ASMT: variants seen among roughly 807,000 people sequenced by gnomAD.
ASMT encodes acetylserotonin O-methyltransferase, also known as acetylserotonin N-methyltransferase.
In ASMT, 53 loss-of-function variants were observed where a neutral mutation model predicts 41.3. The observed-to-expected ratio is 1.28, with a 90% CI of 1.03 to 1.61. The LOEUF is 1.61. Ranked by LOEUF, ASMT falls within the 40% of genes most tolerant of loss-of-function variation. ASMT has a pLI of 0.00. For synonymous variants in ASMT, 231 were observed against 184.8 expected (o/e 1.25, Z -2.03); for missense variants, 531 against 441.3 (o/e 1.20, Z -1.82).
At chrX:1,627,654 GAAATGAAATGAAAT>G in intron 3 of ASMT, 35 bp from the exon 4 acceptor site, 1 of 1,378,450 alleles carries the variant, frequency 7.3e-7, no homozygotes, top group Non-Finnish European at 1.0e-6. Context: ...GAAATGAAAT[GAAATGAAATGAAAT>G]GAAATGAAAA....
At chrX:1,635,010 T>C in intron 7 of ASMT, among the ~76,000 whole-genome samples, 1 of 127,930 alleles carries the variant, frequency 7.8e-6, no homozygotes, top group Non-Finnish European at 1.6e-5. Flanking sequence ...AGTCTCGCTC[T>C]GTCACCCAGG....
intron 1 of ASMT, among the ~76,000 whole-genome samples, chrX:1,618,063 C>T (rs777963720): frequency 6.6e-6 from 1 of 152,328 alleles, no homozygotes; most frequent in South Asian, 2.1e-4. Flanking sequence ...AGAGCGGCCT[C>T]CGCCTACGGG....
At chrX:1,636,705 C>A (rs1934979649) in intron 8 of ASMT, 145 bp downstream of exon 8, 1 of 1,257,838 alleles carries the variant, frequency 8.0e-7, no homozygotes, top group South Asian at 1.2e-5. Flanking sequence ...AGATAACGAC[C>A]TGAAATAAAT....
At chrX:1,629,181 G>C (rs1405851189) in intron 4 of ASMT, among the ~76,000 whole-genome samples, 1 of 151,946 alleles carries the variant, frequency 6.6e-6, no homozygotes, top group Non-Finnish European at 1.5e-5. Flanking sequence ...CTTACATGTT[G>C]CACCTTGCAG....
intron 1 of ASMT, among the ~76,000 whole-genome samples, chrX:1,621,037 C>T (rs4308913): frequency 2.0e-5 from 3 of 151,704 alleles, no homozygotes; most frequent in East Asian, 1.9e-4. Flanking sequence ...CGTAGGTTGC[C>T]GTGAGCCGAG....
At chrX:1,631,184 G>C (rs1456348895) in intron 5 of ASMT, among the ~76,000 whole-genome samples, 6 of 151,606 alleles carry the variant, frequency 4.0e-5, no homozygotes, top group Non-Finnish European at 7.4e-5. Flanking sequence ...AAAGTGCCAG[G>C]ATTGCAGGCA....
At chrX:1,623,683 C>T (rs1264182651) in intron 2 of ASMT, among the ~76,000 whole-genome samples, 1 of 152,108 alleles carries the variant, frequency 6.6e-6, no homozygotes, top group Non-Finnish European at 1.5e-5. Flanking sequence ...GAGTGTGAGA[C>T]CCAGGCTGGG....
At chrX:1,633,707 C>T (rs1453334462) in intron 7 of ASMT, among the ~76,000 whole-genome samples, 3 of 149,332 alleles carry the variant, frequency 2.0e-5, no homozygotes, top group Non-Finnish European at 3.0e-5. Flanking sequence ...TGACAGATCT[C>T]GGCTCCCTTC....
chrX:1,631,845 T>G (rs6588808), intron 5 of ASMT, among the ~76,000 whole-genome samples: 1 of 151,908 alleles, frequency 6.6e-6, no homozygotes, highest in African/African-American at 2.4e-5. Flanking sequence ...GTCAGGAGTT[T>G]GAGACCAGCC....
At chrX:1,627,431 G>T (rs1465624578) in intron 3 of ASMT, among the ~76,000 whole-genome samples, 1 of 152,004 alleles carries the variant, frequency 6.6e-6, no homozygotes, top group Admixed American at 6.6e-5. Context: ...AGACCAGCCT[G>T]ACCAACATGG....
At chrX:1,621,324 T>C in intron 1 of ASMT, among the ~76,000 whole-genome samples, 2 of 152,152 alleles carry the variant, frequency 1.3e-5, no homozygotes, top group South Asian at 4.2e-4. Flanking sequence ...ATTCTTGTTT[T>C]ATTTTTTTTT....
rs776124377 is a variant in ASMT at position 1,643,066 on chromosome X, A to C, written c.*52A>C. ...TCAAAGCACACAAGACATAATAATA[A>C]AGACATGTACCTCCAGTGGCTTCTT... On this transcript the variant is annotated 3_prime_UTR_variant, in exon 9 of 9. Coordinates refer to ENST00000381241, the MANE Select transcript of ASMT (RefSeq NM_001171038.2). The C allele has an allele frequency of 1.3e-6, 2 of 1,575,322 alleles. No homozygotes were observed. Among genetic ancestry groups the C allele is most frequent in the South Asian group, 2.2e-5 (2 of 90,284 alleles).
chrX:1,622,067 A>G (rs1479098265), intron 1 of ASMT, among the ~76,000 whole-genome samples: 1 of 151,218 alleles, frequency 6.6e-6, no homozygotes, highest in East Asian at 1.9e-4. Flanking sequence ...ATCTTGGCTC[A>G]CTGCAACCTC....
chrX:1,634,957 C>T (rs1435063901), intron 7 of ASMT, among the ~76,000 whole-genome samples: 1 of 148,788 alleles, frequency 6.7e-6, no homozygotes, highest in African/African-American at 2.5e-5. Flanking sequence ...TGAGCCACCG[C>T]GCCTGGCCTG....
chrX:1,642,887 T>G lies in ASMT; in HGVS notation c.995T>G (p.Leu332Arg). ...ACGCAGCTCTACTCTCTGAACATGC[T>G]TGTGCAGACGGAAGGGCAGGAGAGG... ...LLTQLYSLNMLVQTEGQERTP... is the reference protein window; with the variant it reads ...LLTQLYSLNMRVQTEGQERTP... Residue 332 changes from leucine to arginine, a missense_variant, in exon 9 of 9, where the codon CTT becomes CGT. Leu to Arg is a moderately radical substitution (Grantham distance 102, BLOSUM62 -2). Transcript: ENST00000381241. The G allele has an allele frequency of 6.2e-7, 1 of 1,613,972 alleles. No homozygotes were observed. Among genetic ancestry groups the G allele is most frequent in the Non-Finnish European group, 8.5e-7 (1 of 1,179,868 alleles).
intron 8 of ASMT, 45 bp downstream of exon 8, chrX:1,636,605 G>A: frequency 1.2e-6 from 2 of 1,613,482 alleles, no homozygotes; most frequent in South Asian, 1.1e-5. Flanking sequence ...GTGACACGGG[G>A]CAGAATTGTA....
chrX:1,621,411 G>A, intron 1 of ASMT, among the ~76,000 whole-genome samples: 1 of 151,826 alleles, frequency 6.6e-6, no homozygotes, highest in South Asian at 2.1e-4. Flanking sequence ...TCCACCTCCA[G>A]GATTCAAGCA....
intron 7 of ASMT, among the ~76,000 whole-genome samples, chrX:1,635,027 T>C (rs1203099214): frequency 7.2e-6 from 1 of 139,032 alleles, no homozygotes; most frequent in African/African-American, 2.8e-5. Flanking sequence ...CAGGCTGGAG[T>C]GCAGTGGTGG....
intron 1 of ASMT, among the ~76,000 whole-genome samples, chrX:1,619,587 T>TAATAATAATA (rs1420115346): frequency 7.3e-6 from 1 of 136,172 alleles, no homozygotes; most frequent in African/African-American, 2.8e-5. Flanking sequence ...ATAATAATAA[T>TAATAATAATA]AAAAAGTCTT....
Sources: allele counts gnomAD v4.1 joint callset (sites outside exome capture counted in the v4.1 genomes callset), GRCh38; gene constraint gnomAD v4.1.1; transcripts MANE v1.5; gene names NCBI Gene and HGNC (gene_info 2026-07-23, HGNC 2026-07-21).